The following ACOXL variants were observed in gnomAD, a reference collection of about 807,000 sequenced individuals.
ACOXL encodes the protein acyl-coenzyme A oxidase-like protein.
A neutral mutation model predicts 71.9 loss-of-function variants in ACOXL; 70 were observed. The ratio of observed to expected loss-of-function variants is 0.97; its 90% CI spans 0.80 to 1.19. The LOEUF (loss-of-function observed/expected upper bound fraction) is 1.19, where lower values mean the gene tolerates loss of function less well. ACOXL is among the 50% of genes most tolerant of loss of function. The pLI, the probability that ACOXL is intolerant of heterozygous loss-of-function variation, is 0.00. For synonymous variants in ACOXL, 253 were observed against 281.6 expected (o/e 0.90, Z 1.02); for missense variants, 703 against 736.3 (o/e 0.95, Z 0.52).
At chr2:110,752,301 C>T (rs895237578) in intron 1 of ACOXL, among the ~76,000 whole-genome samples, 5 of 152,082 alleles carry the variant, frequency 3.3e-5, no homozygotes, top group Non-Finnish European at 7.3e-5. Context: ...AGCCACCGCA[C>T]CTGGCCTATT....
chr2:110,769,258 GA>G (rs1466759951), intron 2 of ACOXL, among the ~76,000 whole-genome samples: 1 of 149,158 alleles, frequency 6.7e-6, no homozygotes, highest in Non-Finnish European at 1.5e-5. Context: ...AAGAAAGAAA[GA>G]AAGAAAAAAA....
chr2:110,802,609 A>G (rs1189759577), intron 8 of ACOXL, among the ~76,000 whole-genome samples: 2 of 152,208 alleles, frequency 1.3e-5, no homozygotes, highest in East Asian at 3.8e-4. Flanking sequence ...ACAAACCCCC[A>G]TGACACAAGT....
chr2:110,751,134 TA>T (rs1358630296), intron 1 of ACOXL, among the ~76,000 whole-genome samples: 2 of 151,530 alleles, frequency 1.3e-5, no homozygotes, highest in African/African-American at 2.4e-5. Context: ...CCATCTCTAC[TA>T]AAAAAATACA....
At chr2:111,103,319 TAAAATA>T (rs930203172) in intron 17 of ACOXL, among the ~76,000 whole-genome samples, 8 of 148,148 alleles carry the variant, frequency 5.4e-5, no homozygotes, top group Non-Finnish European at 4.6e-5. Flanking sequence ...AATAAATAAA[TAAAATA>T]AAAATAAAAA....
At chr2:111,116,279 A>C (rs577113400) in intron 17 of ACOXL, among the ~76,000 whole-genome samples, 3 of 152,328 alleles carry the variant, frequency 2.0e-5, no homozygotes, top group Admixed American at 2.0e-4. Flanking sequence ...AATACGATCA[A>C]AGGTCTTTTC....
intron 1 of ACOXL, among the ~76,000 whole-genome samples, chr2:110,733,839 G>A (rs562443319): frequency 6.6e-6 from 1 of 152,312 alleles, no homozygotes; most frequent in Admixed American, 6.5e-5. Context: ...GGTTCTCAAA[G>A]TGTGGTACAG....
chr2:111,027,154 C>CTA (rs1422144477), intron 14 of ACOXL, among the ~76,000 whole-genome samples: 1 of 152,024 alleles, frequency 6.6e-6, no homozygotes, highest in Non-Finnish European at 1.5e-5. Context: ...ACCTCAGCCT[C>CTA]TAAAGTGCTG....
At chr2:110,878,274 A>G (rs1349268922) in intron 10 of ACOXL, among the ~76,000 whole-genome samples, 1 of 152,240 alleles carries the variant, frequency 6.6e-6, no homozygotes, top group Non-Finnish European at 1.5e-5. Flanking sequence ...AAAATGCAGT[A>G]ATCAAAAATG....
intron 14 of ACOXL, among the ~76,000 whole-genome samples, chr2:111,022,091 G>A (rs1440040247): frequency 6.6e-6 from 1 of 152,180 alleles, no homozygotes; most frequent in Non-Finnish European, 1.5e-5. Context: ...GGTGGCTCAT[G>A]CCTGTAATCC....
intron 1 of ACOXL, among the ~76,000 whole-genome samples, chr2:110,737,774 G>A (rs757690703): frequency 1.3e-5 from 2 of 152,182 alleles, no homozygotes. Context: ...GCTTCAGTCC[G>A]GATGGGCTCT....
At chr2:110,838,932 G>A (rs1293356770) in intron 9 of ACOXL, among the ~76,000 whole-genome samples, 1 of 152,170 alleles carries the variant, frequency 6.6e-6, no homozygotes, top group Non-Finnish European at 1.5e-5. Context: ...TTTGGTTTGA[G>A]CCCTCCCTGT....
At chr2:110,759,387 T>G (rs890760644) in intron 1 of ACOXL, among the ~76,000 whole-genome samples, 8 of 152,246 alleles carry the variant, frequency 5.3e-5, no homozygotes, top group African/African-American at 1.9e-4. Context: ...TTATTTAGGA[T>G]AGTTGGCTCT....
intron 9 of ACOXL, among the ~76,000 whole-genome samples, chr2:110,815,866 T>A (rs1687848011): frequency 6.6e-6 from 1 of 152,244 alleles, no homozygotes; most frequent in Admixed American, 6.5e-5. Flanking sequence ...CCTGCAAGGC[T>A]GGTCACTAGG....
chr2:111,088,673 C>T (rs1025186006), intron 16 of ACOXL, among the ~76,000 whole-genome samples: 1 of 152,128 alleles, frequency 6.6e-6, no homozygotes, highest in Non-Finnish European at 1.5e-5. Flanking sequence ...GGAAACATAA[C>T]TATCGGGTAC....
At chr2:110,962,914 A>G (rs1024375834) in intron 12 of ACOXL, among the ~76,000 whole-genome samples, 5 of 152,166 alleles carry the variant, frequency 3.3e-5, no homozygotes, top group African/African-American at 1.2e-4. Flanking sequence ...GAGCTGGAAG[A>G]AGGAGGTAGT....
chr2:111,091,498 T>C (rs187406274), intron 16 of ACOXL, among the ~76,000 whole-genome samples: 255 of 152,322 alleles, frequency 1.7e-3, no homozygotes, highest in Non-Finnish European at 2.6e-3. Flanking sequence ...AGCAAATATT[T>C]TTGTAGCACA....
chr2:111,083,783 T>G (rs1200719418), intron 16 of ACOXL, among the ~76,000 whole-genome samples: 1 of 152,150 alleles, frequency 6.6e-6, no homozygotes, highest in Admixed American at 6.5e-5. Flanking sequence ...CTGAAAACTT[T>G]GGGTTTGTGC....
At chr2:110,801,004 C>G (rs554761306) in intron 7 of ACOXL, among the ~76,000 whole-genome samples, 1 of 152,176 alleles carries the variant, frequency 6.6e-6, no homozygotes, top group African/African-American at 2.4e-5. Context: ...AAGACATTTA[C>G]TAAAGACAGA....
At chr2:111,041,728 C>T (rs1448918472) in intron 15 of ACOXL, among the ~76,000 whole-genome samples, 1 of 152,192 alleles carries the variant, frequency 6.6e-6, no homozygotes, top group Admixed American at 6.5e-5. Context: ...GAGGGCAGCC[C>T]CCTGCACACA....
Sources: allele counts gnomAD v4.1 joint callset (sites outside exome capture counted in the v4.1 genomes callset), GRCh38; gene constraint gnomAD v4.1.1; transcripts MANE v1.5; gene names NCBI Gene and HGNC (gene_info 2026-07-23, HGNC 2026-07-21).